FRMD3: variants seen among roughly 807,000 people sequenced by gnomAD.
FRMD3 encodes FERM domain-containing protein 3.
In FRMD3, 33 loss-of-function variants were observed where a neutral mutation model predicts 70.2. That is an observed-to-expected ratio of 0.47 (90% CI 0.36 to 0.63). The LOEUF (loss-of-function observed/expected upper bound fraction) is 0.63. Ranked by LOEUF, FRMD3 falls within the 20% of genes least tolerant of loss-of-function variation. The probability of loss-of-function intolerance (pLI) is 0.00; values close to 1 mark genes in which losing one functional copy is unlikely to be tolerated. For missense variants in FRMD3, 632 were observed against 711.4 expected, an observed-to-expected ratio of 0.89 and a Z score of 1.27; for synonymous variants, 279 against 255.9, an observed-to-expected ratio of 1.09 and a Z score of -0.86.
chr9:83,321,173 A>G (rs1040061002), intron 6 of FRMD3, among the ~76,000 whole-genome samples: 3 of 151,972 alleles, frequency 2.0e-5, no homozygotes, highest in African/African-American at 7.2e-5. Flanking sequence ...GTAATTTTTT[A>G]TCTCCATTTC....
intron 1 of FRMD3, among the ~76,000 whole-genome samples, chr9:83,413,149 A>T (rs11998876): frequency 0.12 from 18,246 of 152,224 alleles, 1,312 homozygotes; most frequent in African/African-American, 0.19. Flanking sequence ...TCGTTCTGCT[A>T]TGTTGAACTA....
chr9:83,381,965 T>G (rs182219724), intron 2 of FRMD3, among the ~76,000 whole-genome samples: 1 of 151,972 alleles, frequency 6.6e-6, no homozygotes, highest in Non-Finnish European at 1.5e-5. Flanking sequence ...TGGAAAGCCA[T>G]CCTGACCCTT....
intron 1 of FRMD3, among the ~76,000 whole-genome samples, chr9:83,453,378 T>C (rs1338080999): frequency 2.6e-5 from 4 of 152,134 alleles, no homozygotes; most frequent in African/African-American, 9.7e-5. Flanking sequence ...TTAAAAAAAA[T>C]CTAACATAGA....
intron 2 of FRMD3, among the ~76,000 whole-genome samples, chr9:83,382,440 T>C (rs970887369): frequency 6.6e-6 from 1 of 152,168 alleles, no homozygotes; most frequent in African/African-American, 2.4e-5. Context: ...AAAAATTATA[T>C]TGCATAAGTA....
At chr9:83,419,123 T>C (rs991958853) in intron 1 of FRMD3, among the ~76,000 whole-genome samples, 16 of 152,076 alleles carry the variant, frequency 1.1e-4, no homozygotes, top group African/African-American at 3.6e-4. Context: ...TAATGGACTT[T>C]AGAGACTCGG....
At chr9:83,428,489 T>C (rs2131371927) in intron 1 of FRMD3, among the ~76,000 whole-genome samples, 1 of 151,374 alleles carries the variant, frequency 6.6e-6, no homozygotes, top group East Asian at 1.9e-4. Flanking sequence ...TATACATATA[T>C]ACATATCCAC....
intron 1 of FRMD3, among the ~76,000 whole-genome samples, chr9:83,439,087 T>C (rs553535653): frequency 6.6e-6 from 1 of 152,206 alleles, no homozygotes; most frequent in South Asian, 2.1e-4. Context: ...AGTCCCAGAG[T>C]CTTGACACTC....
chr9:83,471,509 C>T (rs906794510), intron 1 of FRMD3, among the ~76,000 whole-genome samples: 1 of 152,058 alleles, frequency 6.6e-6, no homozygotes, highest in African/African-American at 2.4e-5. Flanking sequence ...GGTGGGACAC[C>T]GGCTTGGGAA....
At chr9:83,487,268 G>C (rs1427852393) in intron 1 of FRMD3, among the ~76,000 whole-genome samples, 1 of 152,110 alleles carries the variant, frequency 6.6e-6, no homozygotes, top group Non-Finnish European at 1.5e-5. Flanking sequence ...CTTCCAAAGT[G>C]AATCAGGCAG....
intron 6 of FRMD3, among the ~76,000 whole-genome samples, chr9:83,323,353 A>G (rs774846305): frequency 5.3e-5 from 8 of 152,256 alleles, no homozygotes; most frequent in Non-Finnish European, 1.0e-4. Context: ...GCTACACGCT[A>G]TGAGATGAAT....
chr9:83,313,685 T>C lies in FRMD3; in HGVS notation c.659A>G (p.Tyr220Cys). The change falls in exon 7 of 14, where the codon TAC becomes TGC. Residue 220 changes from tyrosine (Y) to cysteine (C), a missense_variant. Tyr to Cys is a radical substitution (Grantham distance 194, BLOSUM62 -2). Around this residue, in one of 3 missense-constraint regions of FRMD3, gnomAD observed 6 missense variants for 21.6 expected, o/e 0.28. Coordinates refer to ENST00000304195, the MANE Select transcript of FRMD3 (RefSeq NM_174938.6). ...LLLKAHTLET[Y>C]GVDPHPCKDS... ...CTTGCATGGGTGAGGATCCACCCCG[T>C]AGGTTTCCAAAGTGTGAGCTTTCAG... The C allele has an allele frequency of 1.9e-6, 3 of 1,614,046 alleles. No homozygotes were observed. The highest frequency in any genetic ancestry group is 2.5e-6 in the Non-Finnish European group (3 of 1,179,918).
chr9:83,479,694 AAGAAAGAAAGAAAG>A (rs1828502841), intron 1 of FRMD3, among the ~76,000 whole-genome samples: 2 of 75,634 alleles, frequency 2.6e-5, no homozygotes, highest in African/African-American at 7.1e-5. Context: ...GAAAGAAAGA[AAGAAAGAAAGAAAG>A]AAAGAAAGAA....
Position 83,389,709 on chromosome 9 carries a change from C to T in FRMD3, c.148-1G>A, listed in dbSNP as rs750622956. 1 of 1,608,700 alleles carries T rather than the reference C, an allele frequency of 6.2e-7. No individual in the cohort carries two copies. Among genetic ancestry groups the T allele is most frequent in the Non-Finnish European group, 8.5e-7 (1 of 1,175,152 alleles). ...TGAGAAACTGCCCTTTGGTTTCCCT[C>T]TGCAAAGGAAGCACATTTAAGTCTC... On this transcript the variant is annotated splice_acceptor_variant, in intron 1 of 13. Transcript: ENST00000304195. LOFTEE classifies it high-confidence loss of function.
intron 6 of FRMD3, among the ~76,000 whole-genome samples, chr9:83,316,161 C>CTT (rs34851421): frequency 0.011 from 1,243 of 112,576 alleles, 27 homozygotes; most frequent in African/African-American, 0.039. Context: ...TTTTTTTTTT[C>CTT]TTTTTTTTTT....
At chr9:83,438,601 T>C (rs1363716775) in intron 1 of FRMD3, among the ~76,000 whole-genome samples, 1 of 152,118 alleles carries the variant, frequency 6.6e-6, no homozygotes, top group African/African-American at 2.4e-5. Flanking sequence ...GGTTTCACCA[T>C]ATTGGCCAGG....
At chr9:83,407,295 A>G (rs1191606641) in intron 1 of FRMD3, among the ~76,000 whole-genome samples, 1 of 152,248 alleles carries the variant, frequency 6.6e-6, no homozygotes, top group African/African-American at 2.4e-5. Flanking sequence ...TCATTAAACC[A>G]TAACAAAGCA....
intron 3 of FRMD3, among the ~76,000 whole-genome samples, chr9:83,366,902 A>T (rs1824805876): frequency 6.6e-6 from 1 of 152,052 alleles, no homozygotes; most frequent in Non-Finnish European, 1.5e-5. Context: ...GTGTGGTAGC[A>T]TGTGCCTGTA....
At chr9:83,478,456 C>T (rs1413515219) in intron 1 of FRMD3, among the ~76,000 whole-genome samples, 1 of 152,106 alleles carries the variant, frequency 6.6e-6, no homozygotes, top group Non-Finnish European at 1.5e-5. Flanking sequence ...AATGAGATAC[C>T]ACTTCACCCC....
the FRMD3 span, among the ~76,000 whole-genome samples, chr9:83,544,173 G>C: frequency 4.0e-5 from 6 of 148,316 alleles, no homozygotes; most frequent in East Asian, 1.2e-3. Flanking sequence ...CCACAGGAAA[G>C]GCATTGTCCA....
Sources: gnomAD v4.1 joint callset for allele counts (sites outside exome capture counted in the v4.1 genomes callset) on GRCh38, gnomAD v4.1.1 for gene constraint, gnomAD v4.1.1 regional missense constraint, MANE v1.5 for transcripts, NCBI Gene and HGNC (gene_info 2026-07-23, HGNC 2026-07-21) for gene names.